Variants in ARRB1 observed in about 807,000 individuals in gnomAD.
ARRB1 encodes the protein arrestin beta 1, also known as beta-arrestin-1.
In ARRB1, 21 loss-of-function variants were observed where a neutral mutation model predicts 56.8. The observed-to-expected ratio is 0.37, with a 90% CI of 0.26 to 0.53. The LOEUF is 0.53. Among genes scored for constraint, ARRB1 ranks in the 20% least tolerant of loss-of-function variants. The pLI is 0.88. For synonymous variants in ARRB1, 210 were observed against 218.6 expected (o/e 0.96, Z 0.35); for missense variants, 424 against 553.7 (o/e 0.77, Z 2.35).
intron 10 of ARRB1, among the ~76,000 whole-genome samples, chr11:75,275,106 A>T (rs1946166428): frequency 8.0e-6 from 1 of 124,664 alleles, no homozygotes; most frequent in Non-Finnish European, 1.7e-5. Flanking sequence ...CTCTGTCTCT[A>T]AACAAATTTA....
At chr11:75,329,573 T>C (rs1174397098) in intron 1 of ARRB1, among the ~76,000 whole-genome samples, 1 of 152,208 alleles carries the variant, frequency 6.6e-6, no homozygotes. Flanking sequence ...ATGGTGTGAC[T>C]ATGACCACTA....
In ARRB1 at chr11:75,336,654, T is replaced by C. The variant is rs540050471; in HGVS notation, c.20+14934A>G. On this transcript the variant is annotated intron_variant, in intron 1 of 15. Coordinates refer to ENST00000420843, the MANE Select transcript of ARRB1 (RefSeq NM_004041.5). ...GGAAAATTGGGATGGCTGACGACCC[T>C]CATGTACTGCATGCCTGGTCCCTGG... is the stretch of plus-strand genomic sequence containing the variant. 1.1e-4 allele frequency among the ~76,000 whole-genome samples: 17 copies of C among 152,244 alleles called. No individual in the cohort carries two copies. In the East Asian group the frequency reaches 3.3e-3, roughly 29 times the overall value.
intron 1 of ARRB1, among the ~76,000 whole-genome samples, chr11:75,323,726 G>A (rs973062026): frequency 6.6e-6 from 1 of 152,318 alleles, no homozygotes; most frequent in East Asian, 1.9e-4. Flanking sequence ...AGGTGTGCAG[G>A]GAAGATGGGA....
intron 1 of ARRB1, among the ~76,000 whole-genome samples, chr11:75,315,612 T>C (rs899805306): frequency 6.6e-6 from 1 of 152,134 alleles, no homozygotes; most frequent in African/African-American, 2.4e-5. Flanking sequence ...ACTTCCTCAG[T>C]GTCTCACCTG....
Position 75,262,156 on chromosome 11 carries a change from A to G in ARRB1, c.*4007T>C, listed in dbSNP as rs919457005. 31 of 152,276 alleles carry G rather than the reference A, an allele frequency of 2.0e-4. No homozygotes were observed. The highest frequency in any genetic ancestry group is 7.0e-4 in the African/African-American group (29 of 41,542). 9.4% of individuals were successfully genotyped at this position (152,276 alleles called of 1,614,324 possible). A position where few individuals can be genotyped will look rare whatever the true frequency, so the allele number is the denominator to read the frequency against. On this transcript the variant is annotated 3_prime_UTR_variant, in exon 16 of 16. Transcript: ENST00000420843. ...TGAAGGGAAGGAACAGACAATTTCT[A>G]TTTCTCCTTGCCCTTAGATTTCTGC...
At position 75,272,923 on chromosome 11, in the gene ARRB1, T is replaced by G; in HGVS notation, c.970A>C (p.Lys324Gln). ...ILGIIVSYKV[K>Q]VKLVVSRGGL... ...CCCCGAGACACCACCAGCTTCACTT[T>G]CACTTTGTAGGAAACAATGATCCCC... is the stretch of plus-strand genomic sequence containing the variant. The change falls in exon 12 of 16, where the codon AAA becomes CAA. Residue 324 changes from lysine to glutamine, a missense_variant. By Grantham distance (53) the Lys-to-Gln change is moderately conservative. Transcript: ENST00000420843. 1 of 1,614,046 alleles carries G rather than the reference T, an allele frequency of 6.2e-7. No homozygotes were observed. The highest frequency in any genetic ancestry group is 1.3e-5 in the African/African-American group (1 of 75,010).
intron 1 of ARRB1, among the ~76,000 whole-genome samples, chr11:75,331,906 G>A (rs963521403): frequency 3.3e-5 from 5 of 151,292 alleles, no homozygotes; most frequent in South Asian, 4.2e-4. Context: ...GTATACATCC[G>A]GATGGCCTGA....
At chr11:75,351,066 G>A (rs1223617503) in intron 1 of ARRB1, among the ~76,000 whole-genome samples, 1 of 152,214 alleles carries the variant, frequency 6.6e-6, no homozygotes, top group East Asian at 1.9e-4. Context: ...AGGTGACAGT[G>A]TGCGTATCAG....
intron 1 of ARRB1, among the ~76,000 whole-genome samples, chr11:75,335,372 C>A (rs970549464): frequency 3.3e-5 from 5 of 152,090 alleles, no homozygotes; most frequent in African/African-American, 1.2e-4. Context: ...ATTGCTCGAG[C>A]CCAGGAGTTC....
intron 13 of ARRB1, among the ~76,000 whole-genome samples, chr11:75,269,627 A>G (rs1473289941): frequency 6.6e-6 from 1 of 152,240 alleles, no homozygotes; most frequent in Non-Finnish European, 1.5e-5. Flanking sequence ...ACAGAATAAG[A>G]GAAGGTATTC....
In ARRB1 at chr11:75,278,666, G is replaced by C. The variant is rs148736006; in HGVS notation, c.561C>G (p.Thr187=). Residue 187 remains threonine (T), a synonymous_variant, in exon 8 of 16, where the codon ACC becomes ACG. Coordinates refer to ENST00000420843, the MANE Select transcript of ARRB1 (RefSeq NM_004041.5). ...GCTTGTCCGACATGAGGAACTGCCTGGTGGTCTCGGCTGTGGGCTGGGGGC... is the reference window on the plus strand; with the variant it reads ...GCTTGTCCGACATGAGGAACTGCCTCGTGGTCTCGGCTGTGGGCTGGGGGC... ...RPGPQPTAET[T]RQFLMSDKPL... is the part of the protein sequence containing the mutation. 2 of 1,614,166 alleles carry C rather than the reference G, an allele frequency of 1.2e-6. No individual in the cohort carries two copies. Among genetic ancestry groups the C allele is most frequent in the Non-Finnish European group, 1.7e-6 (2 of 1,180,028 alleles).
At chr11:75,311,930 TGA>T in intron 1 of ARRB1, 1 of 799,526 alleles carries the variant, frequency 1.3e-6, no homozygotes, top group Non-Finnish European at 1.8e-6. Flanking sequence ...AGGGGCTGGC[TGA>T]GAGGGGACGG....
intron 8 of ARRB1, among the ~76,000 whole-genome samples, chr11:75,277,770 T>C (rs999428569): frequency 1.3e-5 from 2 of 152,246 alleles, no homozygotes; most frequent in African/African-American, 4.8e-5. Flanking sequence ...GGTGGGACCC[T>C]TGAAAGATAA....
At chr11:75,338,941 C>T (rs574244875) in intron 1 of ARRB1, among the ~76,000 whole-genome samples, 2 of 152,130 alleles carry the variant, frequency 1.3e-5, no homozygotes, top group Admixed American at 6.5e-5. Flanking sequence ...CAGCTGTAAC[C>T]GAGAAAGGAT....
intron 1 of ARRB1, among the ~76,000 whole-genome samples, chr11:75,312,317 C>G (rs1947179743): frequency 6.6e-6 from 1 of 152,200 alleles, no homozygotes; most frequent in Non-Finnish European, 1.5e-5. Flanking sequence ...TCCTAGGACC[C>G]CTGACCGCCG....
At chr11:75,309,226 T>G (rs1224054997) in intron 1 of ARRB1, among the ~76,000 whole-genome samples, 2 of 152,320 alleles carry the variant, frequency 1.3e-5, no homozygotes, top group Admixed American at 6.5e-5. Flanking sequence ...GACCCCACAT[T>G]GCAGGGATCC....
intron 1 of ARRB1, among the ~76,000 whole-genome samples, chr11:75,297,662 C>T (rs1204991129): frequency 3.3e-5 from 5 of 151,578 alleles, no homozygotes; most frequent in African/African-American, 7.3e-5. Flanking sequence ...GTCAGGAGTC[C>T]GAGACCAGCC....
intron 1 of ARRB1, among the ~76,000 whole-genome samples, chr11:75,297,864 CAAAAAAAA>C (rs34831668): frequency 4.3e-3 from 126 of 29,276 alleles, no homozygotes; most frequent in African/African-American, 8.1e-3. Context: ...GACTTTGTCT[CAAAAAAAA>C]AAAAAAAAAA....
chr11:75,284,390 C>A, intron 3 of ARRB1, 111 bp from the exon 4 acceptor site: 2 of 1,168,244 alleles, frequency 1.7e-6, no homozygotes, highest in Non-Finnish European at 2.4e-6. Flanking sequence ...CTAAAATCAT[C>A]CTGAGAAAAA....
Sources: gnomAD v4.1 joint callset for allele counts (sites outside exome capture counted in the v4.1 genomes callset) on GRCh38, gnomAD v4.1.1 for gene constraint, MANE v1.5 for transcripts, NCBI Gene and HGNC (gene_info 2026-07-23, HGNC 2026-07-21) for gene names.